LIN54: variants seen among roughly 807,000 people sequenced by gnomAD.
LIN54 encodes protein lin-54 homolog.
LIN54 carries 9 observed loss-of-function variants against 78.7 expected under a neutral mutation model. The ratio of observed to expected loss-of-function variants is 0.11; its 90% CI spans 0.07 to 0.20. The LOEUF (loss-of-function observed/expected upper bound fraction) is 0.20. Ranked by LOEUF, LIN54 falls within the 10% of genes least tolerant of loss-of-function variation. LIN54 has a pLI of 1.00. For missense variants in LIN54, 573 were observed against 889.9 expected, an observed-to-expected ratio of 0.64 and a Z score of 4.53; for synonymous variants, 269 against 318.4, an observed-to-expected ratio of 0.84 and a Z score of 1.65.
chr4:82,931,233 G>A (rs1313889994), intron 11 of LIN54, 88 bp from the exon 12 acceptor site: 13 of 898,126 alleles, frequency 1.4e-5, no homozygotes, highest in Admixed American at 7.7e-5. Context: ...ACAGCTAATA[G>A]CATTACCTGG....
chr4:82,998,655 A>G (rs1011827602), intron 1 of LIN54, among the ~76,000 whole-genome samples: 1 of 152,122 alleles, frequency 6.6e-6, no homozygotes, highest in African/African-American at 2.4e-5. Context: ...AGAGAAAGAA[A>G]GAAAGAATCT....
intron 1 of LIN54, among the ~76,000 whole-genome samples, chr4:82,997,362 A>G (rs1728311672): frequency 6.6e-6 from 1 of 152,148 alleles, no homozygotes; most frequent in Non-Finnish European, 1.5e-5. Flanking sequence ...TAATACTCAA[A>G]TTTAGCTTTT....
At chr4:82,974,940 A>C (rs1272772999) in intron 3 of LIN54, among the ~76,000 whole-genome samples, 7 of 151,968 alleles carry the variant, frequency 4.6e-5, no homozygotes, top group African/African-American at 1.7e-4. Flanking sequence ...AAGAATAAGG[A>C]GTTTTTGTTT....
upstream of LIN54, chr4:83,012,859 G>A (rs915822669): frequency 6.6e-6 from 1 of 151,888 alleles, no homozygotes; most frequent in African/African-American, 2.4e-5. Flanking sequence ...CAGCGGCGGC[G>A]GCGGCGCCTC....
intron 4 of LIN54, among the ~76,000 whole-genome samples, chr4:82,965,858 A>G (rs1029949490): frequency 2.6e-5 from 4 of 152,208 alleles, no homozygotes; most frequent in Admixed American, 6.5e-5. Flanking sequence ...TGGGTAGGGA[A>G]GGGTGAGTGC....
At chr4:83,000,084 G>A (rs1240347058) in intron 1 of LIN54, among the ~76,000 whole-genome samples, 1 of 151,860 alleles carries the variant, frequency 6.6e-6, no homozygotes, top group Non-Finnish European at 1.5e-5. Context: ...TATAGAGATA[G>A]GGTCTCATTA....
rs545474443 is a variant in LIN54 at position 82,959,973 on chromosome 4, A to G, written c.951+10354T>C. On this transcript the variant is annotated intron_variant, in intron 4 of 12. Coordinates refer to ENST00000340417, the MANE Select transcript of LIN54 (RefSeq NM_194282.4). ...GAGAACTCACTTAAGTCTTCCTTCA[A>G]CTTGGCAGAAGATAAAGATTGAAAC... Among the ~76,000 whole-genome samples the G allele has an allele frequency of 1.1e-4, 17 of 152,342 alleles. No individual in the cohort carries two copies. In the East Asian group the frequency reaches 2.5e-3, roughly 22 times the overall value.
intron 2 of LIN54, among the ~76,000 whole-genome samples, chr4:82,983,453 T>A (rs984677623): frequency 1.3e-5 from 2 of 152,194 alleles, no homozygotes; most frequent in African/African-American, 4.8e-5. Context: ...TTATGAAACA[T>A]CCTCAATATT....
chr4:83,010,612 C>G lies in LIN54; in HGVS notation c.-161G>C. ...ATAGCTCTGGCCAGCAGCTTCCTTT[C>G]CCAGTTTGTCCAAACTGGAGCGCTC... is the stretch of plus-strand genomic sequence containing the variant. On this transcript the variant is annotated 5_prime_UTR_variant, in exon 1 of 13. Transcript: ENST00000340417. 8.1e-7 allele frequency: 1 copy of G among 1,229,018 alleles called. No individual in the cohort carries two copies. The highest frequency in any genetic ancestry group is 1.0e-6 in the Non-Finnish European group (1 of 986,118). 76.1% of individuals were successfully genotyped at this position (1,229,018 alleles called of 1,614,324 possible).
In LIN54 at chr4:82,955,461, A is replaced by C. The variant is rs142608868; in HGVS notation, c.952-8987T>G. Among the ~76,000 whole-genome samples, 20 of 151,880 alleles carry C rather than the reference A, an allele frequency of 1.3e-4. No individual in the cohort carries two copies. The South Asian group carries it at 1.5e-3, about 11-fold the overall frequency. On this transcript the variant is annotated intron_variant, in intron 4 of 12. Coordinates refer to ENST00000340417, the MANE Select transcript of LIN54 (RefSeq NM_194282.4). ...CCATAGATTGAGAGAAAATATCTGC[A>C]AAACACATGGTAAAAGGCAACAAGA...
At chr4:82,982,696 A>G (rs1020750) in intron 2 of LIN54, among the ~76,000 whole-genome samples, 27,949 of 152,186 alleles carry the variant, frequency 0.18, 2,739 homozygotes, top group South Asian at 0.32. Flanking sequence ...GAAGTCATAG[A>G]TAAGTGAGAA....
At chr4:82,998,702 A>G (rs1728476198) in intron 1 of LIN54, among the ~76,000 whole-genome samples, 1 of 152,134 alleles carries the variant, frequency 6.6e-6, no homozygotes, top group African/African-American at 2.4e-5. Context: ...GTCCACTTAC[A>G]CGCATTTTTT....
At chr4:82,967,383 C>G (rs1194168036) in intron 4 of LIN54, among the ~76,000 whole-genome samples, 4 of 152,246 alleles carry the variant, frequency 2.6e-5, no homozygotes, top group African/African-American at 9.6e-5. Flanking sequence ...CTGGTCCCAG[C>G]CTGGAAAATT....
chr4:82,984,110 A>T, intron 2 of LIN54, 51 bp downstream of exon 2: 1 of 1,320,968 alleles, frequency 7.6e-7, no homozygotes, highest in Non-Finnish European at 1.0e-6. Context: ...TGAATCAGTT[A>T]AATTTTTTTA....
intron 4 of LIN54, among the ~76,000 whole-genome samples, chr4:82,957,163 A>G (rs1444483915): frequency 1.3e-5 from 2 of 152,222 alleles, no homozygotes; most frequent in African/African-American, 4.8e-5. Context: ...AGCAAAAGCA[A>G]TCAACTTCTG....
intron 1 of LIN54, among the ~76,000 whole-genome samples, chr4:82,995,190 C>T (rs1005367821): frequency 2.0e-5 from 3 of 151,814 alleles, no homozygotes; most frequent in Admixed American, 6.6e-5. Context: ...GTCCCAGCTA[C>T]TCGGGAGGCT....
chr4:83,010,585 C>T lies in LIN54; in HGVS notation c.-134G>A. On this transcript the variant is annotated 5_prime_UTR_variant, in exon 1 of 13. The change creates a new upstream start codon in the 5' untranslated region. Coordinates refer to ENST00000340417, the MANE Select transcript of LIN54 (RefSeq NM_194282.4). ...CGGCGGGGCTTGTTTTGCCCGTGCA[C>T]GATAGCTCTGGCCAGCAGCTTCCTT... is the stretch of plus-strand genomic sequence containing the variant. The T allele has an allele frequency of 1.6e-6, 2 of 1,223,352 alleles. No homozygotes were observed. The highest frequency in any genetic ancestry group is 2.0e-6 in the Non-Finnish European group (2 of 982,766). 75.8% of individuals were successfully genotyped at this position (1,223,352 alleles called of 1,614,324 possible).
At chr4:82,945,763 G>C (rs1175858655) in intron 5 of LIN54, among the ~76,000 whole-genome samples, 5 of 152,074 alleles carry the variant, frequency 3.3e-5, no homozygotes, top group Non-Finnish European at 7.4e-5. Flanking sequence ...CAAAGTGCTG[G>C]GATTACAGGT....
chr4:83,001,965 AGG>A (rs780880806), intron 1 of LIN54, among the ~76,000 whole-genome samples: 19,389 of 47,246 alleles, frequency 0.41, 9,509 homozygotes, highest in Non-Finnish European at 0.64. Flanking sequence ...GAAGGAAGGA[AGG>A]AAGGAAGGAA....
Sources: allele counts gnomAD v4.1 joint callset (sites outside exome capture counted in the v4.1 genomes callset), GRCh38; gene constraint gnomAD v4.1.1; transcripts MANE v1.5; gene names NCBI Gene and HGNC (gene_info 2026-07-23, HGNC 2026-07-21).